The following CLCN5 variants were observed in gnomAD, a reference collection of about 807,000 sequenced individuals.
CLCN5 encodes Cl-/H+ antiporter 5.
CLCN5 carries 17 observed loss-of-function variants against 54.0 expected under a neutral mutation model. That is an observed-to-expected ratio of 0.31 (90% CI 0.22 to 0.47). The LOEUF is 0.47. Among genes scored for constraint, CLCN5 ranks in the 20% least tolerant of loss-of-function variants. CLCN5 has a pLI of 1.00. For missense variants in CLCN5, 448 were observed against 646.7 expected (o/e 0.69, Z 3.33); for synonymous variants, 222 against 233.0 (o/e 0.95, Z 0.43).
At chrX:49,959,496 A>G (rs782348435) in intron 3 of CLCN5, among the ~76,000 whole-genome samples, 1 of 111,427 alleles carries the variant, frequency 9.0e-6, no homozygotes, top group Non-Finnish European at 1.9e-5. Flanking sequence ...GCATGTCCAT[A>G]TATTCGCAGC....
At chrX:49,940,229 A>C (rs1270905580) in intron 3 of CLCN5, among the ~76,000 whole-genome samples, 2 of 111,854 alleles carry the variant, frequency 1.8e-5, no homozygotes, top group African/African-American at 3.2e-5. Context: ...CCACTCTCCA[A>C]AGTGTCCTGG....
intron 3 of CLCN5, among the ~76,000 whole-genome samples, chrX:50,032,370 C>T (rs1243122264): frequency 9.0e-6 from 1 of 111,074 alleles, no homozygotes; most frequent in African/African-American, 3.3e-5. Context: ...TCCACATCCT[C>T]TCCAGCACCT....
chrX:49,942,873 A>G lies in CLCN5; in HGVS notation c.16+17559A>G, dbSNP rs1457937926. 6.0e-4 allele frequency among the ~76,000 whole-genome samples: 65 copies of G among 108,285 alleles called. No individual in the cohort carries two copies. In the East Asian group the frequency reaches 8.8e-3, roughly 15 times the overall value. 94.0% of individuals were successfully genotyped at this position (108,285 alleles called of 115,157 possible). On this transcript the variant is annotated intron_variant, in intron 3 of 14. Transcript: ENST00000376091. ...AGTGCCGCAATAAACATACGTGTACATGTGTCTTTATAGCAGCATGATTTA... is the reference window on the plus strand; with the variant it reads ...AGTGCCGCAATAAACATACGTGTACGTGTGTCTTTATAGCAGCATGATTTA...
At chrX:49,948,952 A>G (rs189128824) in intron 3 of CLCN5, among the ~76,000 whole-genome samples, 1 of 112,536 alleles carries the variant, frequency 8.9e-6, no homozygotes, top group East Asian at 2.8e-4. Flanking sequence ...TCATTTTGCA[A>G]AAGTATATTC....
At chrX:50,003,568 G>T in intron 3 of CLCN5, 1 of 373,406 alleles carries the variant, frequency 2.7e-6, no homozygotes. Flanking sequence ...CCCACATGCA[G>T]GGTTTGCAGG....
At chrX:50,066,202 C>CAAAA (rs781827477) in intron 4 of CLCN5, among the ~76,000 whole-genome samples, 1 of 65,331 alleles carries the variant, frequency 1.5e-5, no homozygotes. Flanking sequence ...AATTCCAGAG[C>CAAAA]AAAAAAAAAA....
intron 7 of CLCN5, among the ~76,000 whole-genome samples, chrX:50,077,147 G>A (rs1933435391): frequency 8.9e-6 from 1 of 111,929 alleles, no homozygotes; most frequent in Admixed American, 9.5e-5. Flanking sequence ...AATACAAACA[G>A]TCCAGGGAAA....
intron 3 of CLCN5, among the ~76,000 whole-genome samples, chrX:50,025,292 C>T (rs1931303129): frequency 1.4e-5 from 1 of 73,993 alleles, no homozygotes; most frequent in Non-Finnish European, 2.6e-5. Context: ...AACTCCCTGA[C>T]CCCTTGCGCT....
At chrX:50,030,476 C>T (rs1931645160) in intron 3 of CLCN5, among the ~76,000 whole-genome samples, 2 of 111,655 alleles carry the variant, frequency 1.8e-5, no homozygotes, top group Non-Finnish European at 3.8e-5. Context: ...TATAGGTATG[C>T]ATTCATGTAA....
intron 3 of CLCN5, among the ~76,000 whole-genome samples, chrX:50,028,721 A>T (rs1931541104): frequency 9.0e-6 from 1 of 111,635 alleles, no homozygotes; most frequent in Non-Finnish European, 1.9e-5. Context: ...TGGACTTGAA[A>T]CTGGAAGTCA....
chrX:50,007,473 C>G (rs782262939), intron 3 of CLCN5, among the ~76,000 whole-genome samples: 129 of 95,119 alleles, frequency 1.4e-3, no homozygotes, highest in Admixed American at 2.5e-3. Context: ...CACACACACA[C>G]AGAGAGAGTG....
intron 3 of CLCN5, among the ~76,000 whole-genome samples, chrX:49,988,348 G>T (rs184563295): frequency 9.0e-6 from 1 of 111,317 alleles, no homozygotes; most frequent in East Asian, 2.8e-4. Context: ...CCAATCAAAC[G>T]CAAGAAACTG....
At chrX:49,970,685 A>T (rs1928161689) in intron 3 of CLCN5, among the ~76,000 whole-genome samples, 1 of 112,039 alleles carries the variant, frequency 8.9e-6, no homozygotes, top group Admixed American at 9.5e-5. Context: ...GGTTGCTTCC[A>T]CTTTTTGGCT....
At chrX:49,951,650 A>G (rs1927046248) in intron 3 of CLCN5, among the ~76,000 whole-genome samples, 1 of 112,213 alleles carries the variant, frequency 8.9e-6, no homozygotes, top group Non-Finnish European at 1.9e-5. Context: ...TGCAGCTAGC[A>G]TGAGGGTGGA....
Position 49,925,237 on chromosome X carries a change from A to G in CLCN5, c.-62A>G. On this transcript the variant is annotated 5_prime_UTR_variant, in exon 3 of 15. Coordinates refer to ENST00000376091, the MANE Select transcript of CLCN5 (RefSeq NM_001127898.4). Reference sequence around the variant, plus strand: ...CTGCCTTTCTATCAAGTCTCCCTACAAAACTGAGAGGCTCTGGGAAACTCA... The same window carrying G: ...CTGCCTTTCTATCAAGTCTCCCTACGAAACTGAGAGGCTCTGGGAAACTCA... 1.7e-6 allele frequency: 2 copies of G among 1,169,579 alleles called. No homozygotes were observed. The highest frequency in any genetic ancestry group is 2.3e-6 in the Non-Finnish European group (2 of 856,859).
At chrX:49,977,667 A>C (rs1310420738) in intron 3 of CLCN5, among the ~76,000 whole-genome samples, 1 of 111,885 alleles carries the variant, frequency 8.9e-6, no homozygotes, top group East Asian at 2.8e-4. Flanking sequence ...GACTTTTTCG[A>C]AATATCTGTG....
At position 50,094,204 on chromosome X, in the gene CLCN5, TAG is replaced by T. The variant is rs1173146381; in HGVS notation, c.*1988_*1989del. 3.6e-5 allele frequency: 4 copies of T among 112,001 alleles called. No individual in the cohort carries two copies. In the Admixed American group the frequency reaches 3.8e-4, roughly 11 times the overall value. 9.2% of individuals were successfully genotyped at this position (112,001 alleles called of 1,213,427 possible). ...TCTTTAAAATAATCAAGGCAGTCGC[TAG>T]AGTTTCTCCTTGTGAATAGATCACT... On this transcript the variant is annotated 3_prime_UTR_variant, in exon 15 of 15. Transcript: ENST00000376091.
chrX:50,060,653 C>A (rs1932841616), intron 4 of CLCN5, among the ~76,000 whole-genome samples: 1 of 112,019 alleles, frequency 8.9e-6, no homozygotes, highest in Non-Finnish European at 1.9e-5. Context: ...GTGGAGCCCA[C>A]CACAGCTCAA....
intron 3 of CLCN5, among the ~76,000 whole-genome samples, chrX:50,021,194 C>T (rs1461924168): frequency 1.0e-5 from 1 of 100,405 alleles, no homozygotes; most frequent in Non-Finnish European, 1.9e-5. Context: ...AGGTCCTTCA[C>T]ATCCCTTGTA....
Sources: allele counts gnomAD v4.1 joint callset (sites outside exome capture counted in the v4.1 genomes callset), GRCh38; gene constraint gnomAD v4.1.1; transcripts MANE v1.5; gene names NCBI Gene and HGNC (gene_info 2026-07-23, HGNC 2026-07-21).